HCFC2: variants seen among roughly 807,000 people sequenced by gnomAD.
HCFC2 encodes the protein host cell factor C2, also known as host cell factor 2.
Under a neutral mutation model 89.2 loss-of-function variants are expected in HCFC2, and 18 were observed. The observed-to-expected ratio is 0.20, with a 90% CI of 0.14 to 0.30. The LOEUF (loss-of-function observed/expected upper bound fraction) is 0.30, where lower values mean the gene tolerates loss of function less well. Ranked by LOEUF, HCFC2 falls within the 10% of genes least tolerant of loss-of-function variation. The pLI is 1.00. For synonymous variants in HCFC2, 308 were observed against 335.7 expected, an observed-to-expected ratio of 0.92 and a Z score of 0.90; for missense variants, 578 against 956.1, an observed-to-expected ratio of 0.60 and a Z score of 5.21.
Position 104,067,958 on chromosome 12 carries a change from G to T in HCFC2, c.324G>T (p.Trp108Cys). The T allele has an allele frequency of 6.3e-7, 1 of 1,579,868 alleles. No individual in the cohort carries two copies. Among genetic ancestry groups the T allele is most frequent in the South Asian group, 1.2e-5 (1 of 84,394 alleles). The part of the protein sequence containing the change: ...NELYELQASR[W>C]LWKKVKPHPP... Reference sequence around the variant, plus strand: ...CTTTTTTTTTTTAGGCAAGTCGTTGGTTATGGAAAAAAGTGAAACCCCATC... The same window carrying T: ...CTTTTTTTTTTTAGGCAAGTCGTTGTTTATGGAAAAAAGTGAAACCCCATC... The change falls in exon 3 of 15, where the codon TGG becomes TGT. Residue 108 changes from tryptophan to cysteine, a missense_variant. Around this residue, in one of 4 missense-constraint regions of HCFC2, gnomAD observed 206 missense variants for 419.2 expected, o/e 0.49. Coordinates refer to ENST00000229330, the MANE Select transcript of HCFC2 (RefSeq NM_013320.3).
chr12:104,070,801 CTTTTT>C (rs35437369), intron 3 of HCFC2, among the ~76,000 whole-genome samples: 1 of 125,000 alleles, frequency 8.0e-6, no homozygotes, highest in Admixed American at 8.9e-5. Context: ...ATACTTTTTA[CTTTTT>C]TTTTTTTTTT....
At chr12:104,090,767 T>A (rs1306047424) in intron 9 of HCFC2, among the ~76,000 whole-genome samples, 1 of 152,134 alleles carries the variant, frequency 6.6e-6, no homozygotes, top group African/African-American at 2.4e-5. Context: ...TATTTTTCAA[T>A]GTGTTTTAAC....
At chr12:104,101,834 T>C in intron 13 of HCFC2, 134 bp from the exon 14 acceptor site, 1 of 514,888 alleles carries the variant, frequency 1.9e-6, no homozygotes, top group South Asian at 5.0e-5. Context: ...GAGAGGGAGA[T>C]AAATGTGAAC....
Position 104,068,885 on chromosome 12 carries a change from A to T in HCFC2, c.473+778A>T, listed in dbSNP as rs1883229764. On this transcript the variant is annotated intron_variant, in intron 3 of 14. Coordinates refer to ENST00000229330, the MANE Select transcript of HCFC2 (RefSeq NM_013320.3). This position sits in a 1 kb window ranked among gnomAD's most constrained non-coding sequence, Gnocchi z 4.1. ...TTTTTTTAATAAATTTTATTTGTGT[A>T]AATTTAAGGTATATAACATGATGGT... Among the ~76,000 whole-genome samples, 1 of 151,978 alleles carries T rather than the reference A, an allele frequency of 6.6e-6. No homozygotes were observed. Among genetic ancestry groups the T allele is most frequent in the Non-Finnish European group, 1.5e-5 (1 of 68,016 alleles).
chr12:104,085,712 CT>C (rs906019733), intron 7 of HCFC2, among the ~76,000 whole-genome samples: 3 of 94,720 alleles, frequency 3.2e-5, no homozygotes, highest in African/African-American at 1.3e-4. Context: ...TTTTTTTTTT[CT>C]TTTTTTCACT....
chr12:104,065,676 T>G (rs1883087123), intron 1 of HCFC2, among the ~76,000 whole-genome samples: 1 of 152,226 alleles, frequency 6.6e-6, no homozygotes, highest in South Asian at 2.1e-4. Context: ...CACTTTGGTC[T>G]TAGTGTAAAA....
At chr12:104,084,054 A>G (rs1267821957) in intron 7 of HCFC2, among the ~76,000 whole-genome samples, 1 of 152,178 alleles carries the variant, frequency 6.6e-6, no homozygotes, top group Non-Finnish European at 1.5e-5. Context: ...TTATTAAAGC[A>G]CCAAAATTTT....
At chr12:104,079,740 G>A (rs1259222035) in intron 4 of HCFC2, 87 bp downstream of exon 4, 4 of 1,018,970 alleles carry the variant, frequency 3.9e-6, no homozygotes, top group Non-Finnish European at 4.5e-6. Flanking sequence ...TTATTGAGTT[G>A]TACTTAGATT....
intron 7 of HCFC2, among the ~76,000 whole-genome samples, chr12:104,086,453 T>G (rs1883846534): frequency 6.6e-6 from 1 of 152,078 alleles, no homozygotes. Flanking sequence ...GCTTTAATAC[T>G]TGGCTCCCCT....
intron 3 of HCFC2, among the ~76,000 whole-genome samples, chr12:104,076,358 C>T (rs1346583123): frequency 6.6e-6 from 1 of 152,200 alleles, no homozygotes; most frequent in African/African-American, 2.4e-5. Context: ...GCTCAAGTCT[C>T]CCACTGTGAT....
At chr12:104,070,078 A>G (rs554629594) in intron 3 of HCFC2, among the ~76,000 whole-genome samples, 35 of 152,120 alleles carry the variant, frequency 2.3e-4, no homozygotes, top group Non-Finnish European at 1.0e-4. Flanking sequence ...GCTGAAGTGC[A>G]GTGGCGCAAT....
chr12:104,066,585 T>A (rs1883155921), intron 2 of HCFC2, among the ~76,000 whole-genome samples: 1 of 152,234 alleles, frequency 6.6e-6, no homozygotes, highest in Non-Finnish European at 1.5e-5. Context: ...ATTTATAACA[T>A]CAAGATATCT....
At chr12:104,080,226 C>A (rs758580900) in intron 4 of HCFC2, among the ~76,000 whole-genome samples, 3 of 152,160 alleles carry the variant, frequency 2.0e-5, no homozygotes, top group Non-Finnish European at 4.4e-5. Context: ...TTATTTATTA[C>A]AAATACAGTC....
At chr12:104,070,815 T>G (rs1050575796) in intron 3 of HCFC2, among the ~76,000 whole-genome samples, 1 of 148,596 alleles carries the variant, frequency 6.7e-6, no homozygotes, top group African/African-American at 2.5e-5. Context: ...TTTTTTTTTT[T>G]TTTTTTTGAG....
At chr12:104,099,976 C>T (rs1027433615) in intron 13 of HCFC2, among the ~76,000 whole-genome samples, 1 of 152,122 alleles carries the variant, frequency 6.6e-6, no homozygotes, top group South Asian at 2.1e-4. Context: ...GGTTTTAAGT[C>T]ATAAATAATC....
rs141147401 is a variant in HCFC2 at position 104,103,111 on chromosome 12, A to G, written c.2217A>G (p.Thr739=). The change falls in exon 15 of 15, where the codon ACA becomes ACG. Residue 739 remains threonine, a synonymous_variant. Coordinates refer to ENST00000229330, the MANE Select transcript of HCFC2 (RefSeq NM_013320.3). ...VFMRIYCGLK[T]SCIVTAGQLA... Reference sequence around the variant, plus strand: ...TGAGGATTTATTGTGGTCTTAAGACATCATGTATAGTAACTGCTGGGCAAC... The same window carrying G: ...TGAGGATTTATTGTGGTCTTAAGACGTCATGTATAGTAACTGCTGGGCAAC... The G allele has an allele frequency of 1.8e-5, 29 of 1,614,054 alleles. No individual in the cohort carries two copies. In the African/African-American group the frequency reaches 3.7e-4, roughly 21 times the overall value.
intron 13 of HCFC2, among the ~76,000 whole-genome samples, chr12:104,100,618 C>T (rs898604270): frequency 2.6e-5 from 4 of 151,824 alleles, no homozygotes; most frequent in African/African-American, 7.3e-5. Flanking sequence ...AGAGAATTGC[C>T]AAGGAAATAG....
intron 3 of HCFC2, among the ~76,000 whole-genome samples, chr12:104,072,594 A>T (rs1448225990): frequency 1.3e-5 from 2 of 151,250 alleles, no homozygotes; most frequent in Non-Finnish European, 2.9e-5. Context: ...ATTTTGGTAA[A>T]TGTATTCCTA....
Position 104,067,989 on chromosome 12 carries a change from CCTT to C in HCFC2, c.358_360del (p.Ser120del), listed in dbSNP as rs1566223406. 3.7e-6 allele frequency: 6 copies of C among 1,606,844 alleles called. No homozygotes were observed. Among genetic ancestry groups the C allele is most frequent in the Non-Finnish European group, 5.1e-6 (6 of 1,177,532 alleles). ...GAAAAAAGTGAAACCCCATCCCCCT[CCTT>C]CTGGTTTACCTCCTTGTCCTCGGCT... is the stretch of plus-strand genomic sequence containing the variant. On this transcript the variant is annotated inframe_deletion, in exon 3 of 15. Transcript: ENST00000229330.
Sources: allele counts gnomAD v4.1 joint callset (sites outside exome capture counted in the v4.1 genomes callset), GRCh38; gene constraint gnomAD v4.1.1; regional missense constraint gnomAD v4.1.1; non-coding constraint Gnocchi (gnomAD v3.1); transcripts MANE v1.5; gene names NCBI Gene and HGNC (gene_info 2026-07-23, HGNC 2026-07-21).